RPRD1B: variants seen among roughly 807,000 people sequenced by gnomAD.
RPRD1B encodes the protein regulation of nuclear pre-mRNA domain-containing protein 1B.
RPRD1B carries 11 observed loss-of-function variants against 41.5 expected under a neutral mutation model. The ratio of observed to expected loss-of-function variants is 0.27; its 90% CI spans 0.17 to 0.44. The LOEUF (loss-of-function observed/expected upper bound fraction) is 0.44, where lower values mean the gene tolerates loss of function less well. Among genes scored for constraint, RPRD1B ranks in the 20% least tolerant of loss-of-function variants. The pLI, the probability that RPRD1B is intolerant of heterozygous loss-of-function variation, is 1.00. For synonymous variants in RPRD1B, 158 were observed against 155.6 expected (o/e 1.02, Z -0.12); for missense variants, 248 against 389.9 (o/e 0.64, Z 3.06).
intron 5 of RPRD1B, among the ~76,000 whole-genome samples, chr20:38,063,246 C>A (rs1226848371): frequency 6.6e-6 from 1 of 151,978 alleles, no homozygotes; most frequent in Non-Finnish European, 1.5e-5. Context: ...AATGTTGATC[C>A]CCCCCACCTT....
chr20:38,077,203 C>T (rs1400955810), intron 6 of RPRD1B, among the ~76,000 whole-genome samples: 1 of 152,026 alleles, frequency 6.6e-6, no homozygotes, highest in African/African-American at 2.4e-5. Context: ...CAGACATGAG[C>T]CACTGCACCA....
At chr20:38,051,898 T>C (rs1323864746) in intron 3 of RPRD1B, among the ~76,000 whole-genome samples, 2 of 152,170 alleles carry the variant, frequency 1.3e-5, no homozygotes, top group African/African-American at 2.4e-5. Context: ...ATTACAGGCA[T>C]GTGCCACCAC....
At chr20:38,049,367 C>CTTTTTTTTTTTTTTTTTTTTTTTTTTCT (rs11481142) in intron 3 of RPRD1B, among the ~76,000 whole-genome samples, 2 of 93,420 alleles carry the variant, frequency 2.1e-5, no homozygotes, top group Non-Finnish European at 2.1e-5. Context: ...TTCTTTTTTT[C>CTTTTTTTTTTTTTTTTTTTTTTTTTTCT]TTTTTTTTTT....
chr20:38,070,560 G>T, intron 6 of RPRD1B: 1 of 985,456 alleles, frequency 1.0e-6, no homozygotes, highest in Non-Finnish European at 1.2e-6. Flanking sequence ...AAGACATAGC[G>T]TGAGTGGGTT....
chr20:38,034,273 G>T (rs1056268476), intron 1 of RPRD1B, among the ~76,000 whole-genome samples, 175 bp downstream of exon 1: 3 of 152,236 alleles, frequency 2.0e-5, no homozygotes, highest in Admixed American at 6.5e-5. Flanking sequence ...GGCCCGGGAA[G>T]GTTTAAGGTA....
chr20:38,078,472 C>G (rs1172067106), intron 6 of RPRD1B, among the ~76,000 whole-genome samples: 1 of 152,318 alleles, frequency 6.6e-6, no homozygotes, highest in East Asian at 1.9e-4. Flanking sequence ...ACCCCAACCC[C>G]CCAGCCCCAT....
rs373707926 is a variant in RPRD1B at position 38,044,466 on chromosome 20, C to T, written c.282-3882C>T. On this transcript the variant is annotated intron_variant, in intron 2 of 6. Coordinates refer to ENST00000373433, the MANE Select transcript of RPRD1B (RefSeq NM_021215.4). ...TTGGCTCACTGCAAGCTCCGCCTCTCGGGTTCATGCCATTCTCCTGCCTCA... is the reference window on the plus strand; with the variant it reads ...TTGGCTCACTGCAAGCTCCGCCTCTTGGGTTCATGCCATTCTCCTGCCTCA... Among the ~76,000 whole-genome samples the T allele has an allele frequency of 3.3e-5, 5 of 150,452 alleles. No homozygotes were observed. In the East Asian group the frequency reaches 7.8e-4, roughly 24 times the overall value.
intron 6 of RPRD1B, among the ~76,000 whole-genome samples, chr20:38,081,893 T>C (rs1322369034): frequency 6.6e-6 from 1 of 152,252 alleles, no homozygotes; most frequent in East Asian, 1.9e-4. Flanking sequence ...CCAACCTTGA[T>C]TCAACAAATA....
At chr20:38,058,463 T>C (rs2074265566) in intron 4 of RPRD1B, among the ~76,000 whole-genome samples, 1 of 152,220 alleles carries the variant, frequency 6.6e-6, no homozygotes, top group Non-Finnish European at 1.5e-5. Context: ...TTCAGGGTAA[T>C]CTAACTACCA....
At chr20:38,060,089 T>A (rs2122726077) in intron 5 of RPRD1B, among the ~76,000 whole-genome samples, 1 of 152,212 alleles carries the variant, frequency 6.6e-6, no homozygotes, top group East Asian at 1.9e-4. Context: ...TGAACTAATA[T>A]TGACAGTAGG....
At chr20:38,044,592 T>G (rs1182222523) in intron 2 of RPRD1B, among the ~76,000 whole-genome samples, 1 of 152,136 alleles carries the variant, frequency 6.6e-6, no homozygotes, top group Admixed American at 6.5e-5. Context: ...GCCAGGATGG[T>G]CTTGATCTCC....
At chr20:38,057,673 A>C in intron 4 of RPRD1B, 29 bp downstream of exon 4, 1 of 1,506,466 alleles carries the variant, frequency 6.6e-7, no homozygotes, top group Non-Finnish European at 9.2e-7. Context: ...AGAGTAGGGA[A>C]CAGTGGCTTA....
chr20:38,080,486 T>G (rs2033684911), intron 6 of RPRD1B, among the ~76,000 whole-genome samples: 1 of 152,220 alleles, frequency 6.6e-6, no homozygotes, highest in Non-Finnish European at 1.5e-5. Flanking sequence ...TATCATCAGC[T>G]TTGTCAAAGA....
chr20:38,061,263 C>T (rs1389580054), intron 5 of RPRD1B, among the ~76,000 whole-genome samples: 1 of 152,186 alleles, frequency 6.6e-6, no homozygotes, highest in East Asian at 1.9e-4. Flanking sequence ...AAACTCTATA[C>T]CCGTTAAACA....
At chr20:38,049,172 C>G (rs1207334592) in intron 3 of RPRD1B, among the ~76,000 whole-genome samples, 1 of 151,896 alleles carries the variant, frequency 6.6e-6, no homozygotes, top group Non-Finnish European at 1.5e-5. Flanking sequence ...TGGTCTCAAA[C>G]TCCTGACCTC....
Position 38,089,715 on chromosome 20 carries a change from T to C in RPRD1B, c.832-11T>C, listed in dbSNP as rs766052448. 2.2e-5 allele frequency: 36 copies of C among 1,611,732 alleles called. No individual in the cohort carries two copies. The highest frequency in any genetic ancestry group is 1.5e-4 in the Admixed American group (9 of 59,866). On this transcript the variant is annotated splice_polypyrimidine_tract_variant and intron_variant, in intron 6 of 6. Coordinates refer to ENST00000373433, the MANE Select transcript of RPRD1B (RefSeq NM_021215.4). ...AGACTTAACGGTATTGTCTTCTCTTTATCTCCTTAGGAATACAAACAGAAG... is the reference window on the plus strand; with the variant it reads ...AGACTTAACGGTATTGTCTTCTCTTCATCTCCTTAGGAATACAAACAGAAG...
intron 6 of RPRD1B, among the ~76,000 whole-genome samples, chr20:38,069,270 T>G (rs932585299): frequency 6.6e-6 from 1 of 152,174 alleles, no homozygotes; most frequent in African/African-American, 2.4e-5. Flanking sequence ...GGAGATTGTG[T>G]TTCTTCCCTC....
intron 6 of RPRD1B, among the ~76,000 whole-genome samples, chr20:38,073,006 G>A (rs2074426626): frequency 6.6e-6 from 1 of 152,172 alleles, no homozygotes; most frequent in African/African-American, 2.4e-5. Flanking sequence ...AAGAAACCTA[G>A]AGAGAGAGGT....
intron 1 of RPRD1B, among the ~76,000 whole-genome samples, chr20:38,035,018 T>TA (rs1278276917): frequency 1.3e-5 from 2 of 152,120 alleles, no homozygotes; most frequent in African/African-American, 4.8e-5. Context: ...ACATTGCCAT[T>TA]AAAAAAAATT....
Sources: gnomAD v4.1 joint callset for allele counts (sites outside exome capture counted in the v4.1 genomes callset) on GRCh38, gnomAD v4.1.1 for gene constraint, MANE v1.5 for transcripts, NCBI Gene and HGNC (gene_info 2026-07-23, HGNC 2026-07-21) for gene names.